Variants in ASRGL1 observed in about 807,000 individuals in gnomAD.
ASRGL1 encodes the protein asparaginase and isoaspartyl peptidase 1, also known as isoaspartyl peptidase/L-asparaginase.
Under a neutral mutation model 22.4 loss-of-function variants are expected in ASRGL1, and 16 were observed. That is an observed-to-expected ratio of 0.71 (90% CI 0.48 to 1.08). The LOEUF is 1.08. ASRGL1 is among the 50% of genes least tolerant of loss of function. The pLI, the probability that ASRGL1 is intolerant of heterozygous loss-of-function variation, is 0.00. For missense variants in ASRGL1, 412 were observed against 410.1 expected (o/e 1.00, Z -0.04); for synonymous variants, 165 against 159.3 (o/e 1.04, Z -0.27).
rs572942723 is a variant in ASRGL1, at chr11:62,372,951, A to G, written c.491+15807A>G. 247 of 1,493,070 alleles carry G rather than the reference A, an allele frequency of 1.7e-4. 1 individual carries two copies. The African/African-American group carries it at 2.9e-3, about 18-fold the overall frequency. 92.5% of individuals were successfully genotyped at this position (1,493,070 alleles called of 1,614,324 possible). ...CAGCATCATTGTGGCAGCCGATGAG[A>G]GCACCATCAGCTGGGGCCCATCACC... On this transcript the variant is annotated intron_variant, in intron 4 of 6. Transcript: ENST00000415229.
At chr11:62,391,826 T>C (rs1947346429) in intron 6 of ASRGL1, 194 bp downstream of exon 6, 1 of 760,750 alleles carries the variant, frequency 1.3e-6, no homozygotes, top group African/African-American at 1.8e-5. Context: ...AGTACTGTTA[T>C]CTTCCACATC....
chr11:62,338,187 A>C lies in ASRGL1; in HGVS notation c.190+20A>C, dbSNP rs1175540765. 1 of 1,527,222 alleles carries C rather than the reference A, an allele frequency of 6.5e-7. No homozygotes were observed. The highest frequency in any genetic ancestry group is 8.8e-7 in the Non-Finnish European group (1 of 1,138,108). 94.6% of individuals were successfully genotyped at this position (1,527,222 alleles called of 1,614,324 possible). A position where few individuals can be genotyped will look rare whatever the true frequency, so the allele number is the denominator to read the frequency against. ...ACGCAGGTAAATGTGCCTTTCAGCT[A>C]GTAAATAATGTGAGTCAGGTCAAGC... On this transcript the variant is annotated intron_variant, in intron 2 of 6. Transcript: ENST00000415229.
chr11:62,360,184 C>T (rs1367048396), intron 4 of ASRGL1, among the ~76,000 whole-genome samples: 1 of 151,612 alleles, frequency 6.6e-6, no homozygotes, highest in Non-Finnish European at 1.5e-5. Context: ...TGCGCCACCA[C>T]GCCTGGGTAA....
chr11:62,388,669 C>CAA (rs772803061), intron 4 of ASRGL1, among the ~76,000 whole-genome samples: 3,936 of 62,566 alleles, frequency 0.063, 329 homozygotes, highest in African/African-American at 0.23. Flanking sequence ...GACTTCATCT[C>CAA]AAAAAAAAAA....
chr11:62,360,386 T>G (rs1454960093), intron 4 of ASRGL1, among the ~76,000 whole-genome samples: 1 of 151,994 alleles, frequency 6.6e-6, no homozygotes, highest in African/African-American at 2.4e-5. Context: ...GAAAATACAT[T>G]CTCATTTTTT....
At position 62,362,835 on chromosome 11, in the gene ASRGL1, C is replaced by CACACACACACAT. The variant is rs1335972471; in HGVS notation, c.491+5700_491+5701insCATACACACACA. 2.4e-5 allele frequency among the ~76,000 whole-genome samples: 3 copies of CACACACACACAT among 122,570 alleles called. 1 individual carries two copies. The allele number at this position is 122,570 out of a possible 152,430, so 80.4% of individuals were successfully genotyped here. On this transcript the variant is annotated intron_variant, in intron 4 of 6. Transcript: ENST00000415229. The stretch of plus-strand genomic sequence containing the variant: ...ACATACACACACACACACACACACA[C>CACACACACACAT]ACACACACATCCATATAAATATATA...
At chr11:62,353,993 A>G (rs1160162470) in intron 2 of ASRGL1, among the ~76,000 whole-genome samples, 1 of 152,188 alleles carries the variant, frequency 6.6e-6, no homozygotes, top group Non-Finnish European at 1.5e-5. Flanking sequence ...ATATTGGGAA[A>G]GTTGCTTTTC....
intron 2 of ASRGL1, among the ~76,000 whole-genome samples, chr11:62,338,932 C>A (rs868223023): frequency 1.3e-3 from 129 of 101,572 alleles, no homozygotes; most frequent in South Asian, 3.0e-3. Flanking sequence ...GAGACTATCT[C>A]AAAAAAAAAA....
intron 4 of ASRGL1, among the ~76,000 whole-genome samples, chr11:62,383,785 T>A (rs7127401): frequency 2.7e-5 from 4 of 150,778 alleles, no homozygotes; most frequent in South Asian, 2.1e-4. Context: ...TTAGCCAGGC[T>A]TGGCAGTGTG....
Position 62,369,391 on chromosome 11 carries a change from C to G in ASRGL1, c.491+12247C>G, listed in dbSNP as rs113279123. Among the ~76,000 whole-genome samples the G allele has an allele frequency of 9.7e-3, 1,483 of 152,222 alleles. 32 individuals carry two copies. Among genetic ancestry groups the G allele is most frequent in the African/African-American group, 0.031 (1,292 of 41,510 alleles). ...TTCTTAGTACAGAACAAAATGGAGT[C>G]TCTTATGTCTACTTCTTTCTACATA... On this transcript the variant is annotated intron_variant, in intron 4 of 6. Coordinates refer to ENST00000415229, the MANE Select transcript of ASRGL1 (RefSeq NM_001083926.2).
At chr11:62,341,324 G>C (rs1252049482) in intron 2 of ASRGL1, among the ~76,000 whole-genome samples, 1 of 151,252 alleles carries the variant, frequency 6.6e-6, no homozygotes, top group South Asian at 2.1e-4. Context: ...TCAGCCTCTC[G>C]AGTAGCTGGG....
Position 62,340,492 on chromosome 11 carries a change from A to C in ASRGL1, c.190+2325A>C, listed in dbSNP as rs72921489. Among the ~76,000 whole-genome samples the C allele has an allele frequency of 2.5e-3, 385 of 152,286 alleles. 2 individuals are homozygous for C. The highest frequency in any genetic ancestry group is 3.4e-3 in the Non-Finnish European group (233 of 68,014). On this transcript the variant is annotated intron_variant, in intron 2 of 6. Transcript: ENST00000415229. ...TATTTACACAGGACCTTCATTTGAA[A>C]TGGGTCATTCTGGTTTCCGACCATC...
At chr11:62,394,389 C>T (rs992802513), downstream of ASRGL1, among the ~76,000 whole-genome samples, 2 of 145,634 alleles carry the variant, frequency 1.4e-5, no homozygotes, top group African/African-American at 5.1e-5. Context: ...AAGGTCCACC[C>T]TAATGACCTC....
At position 62,372,499 on chromosome 11, in the gene ASRGL1, C is replaced by T. The variant is rs1454783061; in HGVS notation, c.491+15355C>T. 18 of 1,221,136 alleles carry T rather than the reference C, an allele frequency of 1.5e-5. 1 individual carries two copies. Among genetic ancestry groups the T allele is most frequent in the Non-Finnish European group, 1.8e-5 (15 of 823,492 alleles). The allele number at this position is 1,221,136 out of a possible 1,614,324, so 75.6% of individuals were successfully genotyped here. A position where few individuals can be genotyped will look rare whatever the true frequency, so the allele number is the denominator to read the frequency against. On this transcript the variant is annotated intron_variant, in intron 4 of 6. Coordinates refer to ENST00000415229, the MANE Select transcript of ASRGL1 (RefSeq NM_001083926.2). ...CAACTCAGATGGGAAGTTCATTGCC[C>T]GGGCACAGCAGATAGAGTATGACTG...
At chr11:62,396,502 C>T (rs1433145383), downstream of ASRGL1, among the ~76,000 whole-genome samples, 1 of 152,202 alleles carries the variant, frequency 6.6e-6, no homozygotes, top group Non-Finnish European at 1.5e-5. Flanking sequence ...TCCCCGGTCT[C>T]TTGTCCCTCT....
chr11:62,385,902 G>T (rs889602942), intron 4 of ASRGL1, among the ~76,000 whole-genome samples: 5 of 151,588 alleles, frequency 3.3e-5, no homozygotes, highest in African/African-American at 1.2e-4. Context: ...AGTGGCTTAC[G>T]CCTGTAATTC....
At chr11:62,350,183 T>A (rs1261974187) in intron 2 of ASRGL1, among the ~76,000 whole-genome samples, 1 of 152,220 alleles carries the variant, frequency 6.6e-6, no homozygotes, top group African/African-American at 2.4e-5. Context: ...TCTGACGGAA[T>A]CATACAGTAT....
intron 4 of ASRGL1, among the ~76,000 whole-genome samples, chr11:62,366,476 G>A (rs955358333): frequency 7.3e-6 from 1 of 137,190 alleles, no homozygotes; most frequent in Non-Finnish European, 1.7e-5. Context: ...GGGACTGGGA[G>A]AACCCTCCTT....
chr11:62,367,072 C>T (rs1330500707), intron 4 of ASRGL1, among the ~76,000 whole-genome samples: 4 of 151,696 alleles, frequency 2.6e-5, no homozygotes, highest in East Asian at 1.9e-4. Context: ...GGCATGGTGG[C>T]GCATGCCTGT....
Sources: allele counts gnomAD v4.1 joint callset (sites outside exome capture counted in the v4.1 genomes callset), GRCh38; gene constraint gnomAD v4.1.1; transcripts MANE v1.5; gene names NCBI Gene and HGNC (gene_info 2026-07-23, HGNC 2026-07-21).